PREX1: variants seen among roughly 807,000 people sequenced by gnomAD.
PREX1 encodes phosphatidylinositol-3,4,5-trisphosphate dependent Rac exchange factor 1.
In PREX1, 41 loss-of-function variants were observed where a neutral mutation model predicts 198.3. That is an observed-to-expected ratio of 0.21 (90% CI 0.16 to 0.27). The LOEUF is 0.27. Among genes scored for constraint, PREX1 ranks in the 10% least tolerant of loss-of-function variants. The pLI is 1.00. For synonymous variants in PREX1, 843 were observed against 887.2 expected (o/e 0.95, Z 0.89); for missense variants, 1,620 against 2,200.7 (o/e 0.74, Z 5.28).
intron 1 of PREX1, among the ~76,000 whole-genome samples, chr20:48,772,339 C>T (rs567589117): frequency 9.3e-4 from 141 of 152,354 alleles, no homozygotes; most frequent in African/African-American, 3.3e-3. Context: ...GGTGCCCATG[C>T]CCCCAAGAAG....
At chr20:48,778,513 C>T (rs1205773975) in intron 1 of PREX1, among the ~76,000 whole-genome samples, 1 of 152,004 alleles carries the variant, frequency 6.6e-6, no homozygotes, top group Non-Finnish European at 1.5e-5. Flanking sequence ...TCGCTTGAAC[C>T]CAGGAGGTGG....
At chr20:48,730,621 T>C (rs1175532797) in intron 4 of PREX1, among the ~76,000 whole-genome samples, 1 of 152,098 alleles carries the variant, frequency 6.6e-6, no homozygotes, top group Non-Finnish European at 1.5e-5. Context: ...TTCCATGCTA[T>C]AGACATATGT....
Position 48,632,128 on chromosome 20 carries a change from G to T in PREX1, c.4526+149C>A, listed in dbSNP as rs1033845280. The T allele has an allele frequency of 9.4e-6, 7 of 744,862 alleles. No individual in the cohort carries two copies. In the East Asian group the frequency reaches 1.0e-4, roughly 11 times the overall value. 46.1% of individuals were successfully genotyped at this position (744,862 alleles called of 1,614,324 possible). On this transcript the variant is annotated intron_variant, in intron 35 of 39. Transcript: ENST00000371941. The stretch of plus-strand genomic sequence containing the variant: ...TGCTGCCATTGAGAATCTCACGCAG[G>T]CAAGAGTGCTGTCACACAGAAGGTG...
chr20:48,756,583 T>C (rs1378308761), intron 1 of PREX1, among the ~76,000 whole-genome samples: 1 of 152,158 alleles, frequency 6.6e-6, no homozygotes. Context: ...CACAAACATA[T>C]TGCTTTGAAT....
intron 1 of PREX1, among the ~76,000 whole-genome samples, chr20:48,753,978 C>T (rs1045960885): frequency 3.9e-5 from 6 of 152,174 alleles, no homozygotes; most frequent in Non-Finnish European, 7.3e-5. Flanking sequence ...GTATCAGCTC[C>T]CTCAGGGCAG....
At chr20:48,805,337 G>A (rs2090407012) in intron 1 of PREX1, among the ~76,000 whole-genome samples, 2 of 152,230 alleles carry the variant, frequency 1.3e-5, no homozygotes, top group South Asian at 4.1e-4. Context: ...AGAAGGACAG[G>A]CGGGTGCAAG....
chr20:48,828,341 C>T (rs932054158), upstream of PREX1, among the ~76,000 whole-genome samples: 2 of 152,030 alleles, frequency 1.3e-5, no homozygotes, highest in East Asian at 1.9e-4. Context: ...CCGCAGTCAC[C>T]GCGGGCTACG....
At chr20:48,690,575 G>C (rs2089813425) in intron 9 of PREX1, among the ~76,000 whole-genome samples, 1 of 152,128 alleles carries the variant, frequency 6.6e-6, no homozygotes, top group Non-Finnish European at 1.5e-5. Flanking sequence ...CCTGACTGAG[G>C]TTAATGGGCA....
rs573054564 is a variant in PREX1, at chr20:48,662,324, C to T, written c.1739-2263G>A. 5.3e-4 allele frequency among the ~76,000 whole-genome samples: 80 copies of T among 152,322 alleles called. 1 individual carries two copies. The highest frequency in any genetic ancestry group is 1.9e-3 in the African/African-American group (79 of 41,564). On this transcript the variant is annotated intron_variant, in intron 15 of 39. Coordinates refer to ENST00000371941, the MANE Select transcript of PREX1 (RefSeq NM_020820.4). ...TGGCCAAAATATTTGTGGAAAACAG[C>T]GTGGAATCCCTCAAGTCCACGAGCT...
At chr20:48,828,098 C>T (rs548986548), upstream of PREX1, among the ~76,000 whole-genome samples, 1 of 148,456 alleles carries the variant, frequency 6.7e-6, no homozygotes, top group Non-Finnish European at 1.5e-5. Context: ...GCTGGCCCCC[C>T]GCCCCCGCGC....
intron 1 of PREX1, among the ~76,000 whole-genome samples, chr20:48,772,477 T>C (rs1175752748): frequency 6.6e-6 from 1 of 152,048 alleles, no homozygotes; most frequent in African/African-American, 2.4e-5. Flanking sequence ...AGCAGTGCCA[T>C]AGGAGGACAG....
At chr20:48,844,765 G>A in the PREX1 span, among the ~76,000 whole-genome samples, 5 of 151,976 alleles carry the variant, frequency 3.3e-5, no homozygotes, top group East Asian at 5.8e-4. Flanking sequence ...CCCAACCCTG[G>A]GACTGTCCTA....
At chr20:48,821,461 C>G (rs930541399) in intron 1 of PREX1, among the ~76,000 whole-genome samples, 1 of 152,206 alleles carries the variant, frequency 6.6e-6, no homozygotes, top group African/African-American at 2.4e-5. Context: ...CCGACCTGGC[C>G]CCATGTCTGG....
At chr20:48,742,662 G>C (rs2090087599) in intron 3 of PREX1, among the ~76,000 whole-genome samples, 2 of 152,120 alleles carry the variant, frequency 1.3e-5, no homozygotes, top group African/African-American at 2.4e-5. Context: ...ACATGAGGAG[G>C]GTCCCAGGTA....
intron 1 of PREX1, among the ~76,000 whole-genome samples, chr20:48,806,964 G>A (rs903670276): frequency 2.6e-5 from 4 of 152,134 alleles, no homozygotes; most frequent in Admixed American, 6.5e-5. Flanking sequence ...AAAGGAATCC[G>A]ATATCCATTC....
intron 29 of PREX1, among the ~76,000 whole-genome samples, chr20:48,640,439 C>T (rs909337877): frequency 6.6e-6 from 1 of 152,244 alleles, no homozygotes; most frequent in African/African-American, 2.4e-5. Context: ...GACAAAGGCT[C>T]TTTCCTCCTG....
At chr20:48,805,353 C>T (rs1186487753) in intron 1 of PREX1, among the ~76,000 whole-genome samples, 1 of 152,192 alleles carries the variant, frequency 6.6e-6, no homozygotes, top group East Asian at 1.9e-4. Flanking sequence ...GCAAGGTGAT[C>T]CAGGCTAACT....
At chr20:48,829,793 G>A (rs1442745576), upstream of PREX1, among the ~76,000 whole-genome samples, 8 of 152,104 alleles carry the variant, frequency 5.3e-5, no homozygotes, top group African/African-American at 1.4e-4. Flanking sequence ...GGAATGAAGC[G>A]GGCTTGCATT....
intron 5 of PREX1, among the ~76,000 whole-genome samples, chr20:48,725,725 G>A (rs1315819398): frequency 1.3e-5 from 2 of 152,194 alleles, no homozygotes; most frequent in Non-Finnish European, 1.5e-5. Context: ...GTTCAGGAGT[G>A]CAGCACCTGA....
Sources: allele counts gnomAD v4.1 joint callset (sites outside exome capture counted in the v4.1 genomes callset), GRCh38; gene constraint gnomAD v4.1.1; transcripts MANE v1.5; gene names NCBI Gene and HGNC (gene_info 2026-07-23, HGNC 2026-07-21).